ALK: variants seen among roughly 807,000 people sequenced by gnomAD.
The protein encoded by ALK is ALK receptor tyrosine kinase, also known as ALK tyrosine kinase receptor.
Under a neutral mutation model 163.1 loss-of-function variants are expected in ALK, and 74 were observed. The ratio of observed to expected loss-of-function variants is 0.45; its 90% confidence interval spans 0.38 to 0.55. ALK has a LOEUF of 0.55. Among genes scored for constraint, ALK ranks in the 20% least tolerant of loss-of-function variants. The pLI, the probability that ALK is intolerant of heterozygous loss-of-function variation, is 0.00. For synonymous variants in ALK, 960 were observed against 843.2 expected (o/e 1.14, Z -2.40); for missense variants, 2,063 against 2,105.3 (o/e 0.98, Z 0.39).
At chr2:29,475,299 G>A (rs565821273) in intron 4 of ALK, among the ~76,000 whole-genome samples, 3 of 152,228 alleles carry the variant, frequency 2.0e-5, no homozygotes, top group African/African-American at 4.8e-5. Context: ...GAGGAAGACT[G>A]CCCTTTACTT....
intron 1 of ALK, among the ~76,000 whole-genome samples, chr2:29,773,233 TACACAC>T (rs111768210): frequency 2.7e-5 from 4 of 146,850 alleles, no homozygotes; most frequent in African/African-American, 1.1e-4. Flanking sequence ...ACAGTAAATG[TACACAC>T]ACACACACAC....
intron 3 of ALK, among the ~76,000 whole-genome samples, chr2:29,647,911 A>G (rs1676930778): frequency 6.6e-6 from 1 of 151,904 alleles, no homozygotes; most frequent in East Asian, 1.9e-4. Flanking sequence ...ACCATAAACT[A>G]AAACCCAATG....
At chr2:29,343,996 G>A (rs1667875519) in intron 5 of ALK, among the ~76,000 whole-genome samples, 3 of 152,136 alleles carry the variant, frequency 2.0e-5, no homozygotes, top group Admixed American at 1.3e-4. Flanking sequence ...AGACTTGATG[G>A]GAAAAATCTC....
chr2:29,300,848 A>G (rs1666348416), intron 8 of ALK, among the ~76,000 whole-genome samples: 1 of 152,188 alleles, frequency 6.6e-6, no homozygotes, highest in Non-Finnish European at 1.5e-5. Flanking sequence ...TGGGTGGAGA[A>G]CTAGAGAGGC....
At chr2:29,815,492 C>T (rs1216718697) in intron 1 of ALK, among the ~76,000 whole-genome samples, 1 of 152,062 alleles carries the variant, frequency 6.6e-6, no homozygotes, top group Admixed American at 6.5e-5. Flanking sequence ...GACTCTGCGC[C>T]GGGCCCCTTC....
chr2:29,229,118 G>C, intron 15 of ALK, 52 bp from the exon 16 acceptor site: 7 of 1,557,650 alleles, frequency 4.5e-6, no homozygotes, highest in Non-Finnish European at 4.4e-6. Context: ...GGTTCAATTA[G>C]CCATGCTGGC....
chr2:29,436,580 A>G (rs555177923), intron 4 of ALK, among the ~76,000 whole-genome samples: 74 of 152,344 alleles, frequency 4.9e-4, no homozygotes, highest in African/African-American at 1.8e-3. Context: ...TCTACTGGGT[A>G]TCATGAGGCC....
chr2:29,762,008 T>C (rs1047712386), intron 1 of ALK, among the ~76,000 whole-genome samples: 1 of 152,212 alleles, frequency 6.6e-6, no homozygotes. Context: ...ACTATAAATA[T>C]AGAGTAGGGG....
chr2:29,500,032 CCACTCCTCCTCAA>C (rs1672127241), intron 4 of ALK, among the ~76,000 whole-genome samples: 1 of 150,968 alleles, frequency 6.6e-6, no homozygotes, highest in Non-Finnish European at 1.5e-5. Flanking sequence ...TGGATGGTGC[CCACTCCTCCTCAA>C]CACGGCTCCT....
intron 1 of ALK, among the ~76,000 whole-genome samples, chr2:29,808,544 T>C (rs73922302): frequency 0.017 from 2,575 of 152,208 alleles, 69 homozygotes; most frequent in African/African-American, 0.057. Context: ...CCCTGGGAGA[T>C]AGAGTGAGCT....
intron 11 of ALK, among the ~76,000 whole-genome samples, chr2:29,252,774 G>T (rs1034303282): frequency 1.3e-5 from 2 of 151,880 alleles, no homozygotes; most frequent in African/African-American, 4.8e-5. Flanking sequence ...GGGCTAGAAG[G>T]TAATGGAGCC....
intron 4 of ALK, among the ~76,000 whole-genome samples, chr2:29,466,854 T>A (rs1221081582): frequency 6.6e-6 from 1 of 152,236 alleles, no homozygotes. Context: ...TTGAAGTGAT[T>A]AGAGCACATA....
intron 3 of ALK, among the ~76,000 whole-genome samples, chr2:29,548,203 G>C (rs1673608806): frequency 6.6e-6 from 1 of 152,168 alleles, no homozygotes; most frequent in Non-Finnish European, 1.5e-5. Flanking sequence ...GCCGAGCGCG[G>C]TGGCTCACGC....
At chr2:29,319,475 G>C (rs1192981096) in intron 7 of ALK, among the ~76,000 whole-genome samples, 3 of 152,186 alleles carry the variant, frequency 2.0e-5, no homozygotes, top group African/African-American at 7.2e-5. Flanking sequence ...GCAGGCAGGC[G>C]GGTCACAATT....
chr2:29,533,112 T>C (rs1208839714), intron 3 of ALK, among the ~76,000 whole-genome samples: 1 of 152,232 alleles, frequency 6.6e-6, no homozygotes, highest in Non-Finnish European at 1.5e-5. Context: ...TTTCCAACTT[T>C]CTTAAAGTAA....
At position 29,193,206 on chromosome 2, in the gene ALK, G is replaced by A. The variant is rs757368506; in HGVS notation, c.*18C>T. On this transcript the variant is annotated 3_prime_UTR_variant, in exon 29 of 29. Transcript: ENST00000389048. ...GTCTTAGGGATCCCAAGGAAGAGAA[G>A]TGAGTGTGCGACCGAGCTCAGGGCC... The A allele has an allele frequency of 6.8e-6, 11 of 1,612,062 alleles. No individual in the cohort carries two copies. The highest frequency in any genetic ancestry group is 1.7e-5 in the Admixed American group (1 of 59,998).
chr2:29,657,425 A>G (rs1262576337), intron 3 of ALK, among the ~76,000 whole-genome samples: 1 of 109,450 alleles, frequency 9.1e-6, no homozygotes, highest in Non-Finnish European at 1.6e-5. Context: ...AAGACTAAAG[A>G]TGTCTCTGAA....
At chr2:29,645,872 C>T (rs577129693) in intron 3 of ALK, among the ~76,000 whole-genome samples, 25 of 152,268 alleles carry the variant, frequency 1.6e-4, no homozygotes, top group African/African-American at 6.0e-4. Context: ...AGTTCCTTCT[C>T]ATCTCCCCAA....
rs958335893 is a variant in ALK, at chr2:29,193,478, C to T, written c.4609G>A (p.Gly1537Arg). The T allele has an allele frequency of 2.5e-6, 4 of 1,614,188 alleles. No individual in the cohort carries two copies. Among genetic ancestry groups the T allele is most frequent in the Admixed American group, 1.7e-5 (1 of 60,028 alleles). ...PHDRGNLGLEGSCTVPPNVAT... is the reference protein window; with the variant it reads ...PHDRGNLGLERSCTVPPNVAT... ...ACGTTAGGTGGGACAGTACAGCTTC[C>T]CTCCAGCCCCAGGTTACCCCTGTCG... Residue 1537 changes from glycine (G) to arginine (R), a missense_variant, in exon 29 of 29, where the codon GGA (glycine) becomes AGA (arginine). Coordinates refer to ENST00000389048, the MANE Select transcript of ALK (RefSeq NM_004304.5).
Sources: gnomAD v4.1 joint callset for allele counts (sites outside exome capture counted in the v4.1 genomes callset) on GRCh38, gnomAD v4.1.1 for gene constraint, MANE v1.5 for transcripts, NCBI Gene and HGNC (gene_info 2026-07-23, HGNC 2026-07-21) for gene names.